SNRPN: variants seen among roughly 807,000 people sequenced by gnomAD.
SNRPN encodes small nuclear ribonucleoprotein polypeptide N.
SNRPN carries 7 observed loss-of-function variants against 25.2 expected under a neutral mutation model. The ratio of observed to expected loss-of-function variants is 0.28; its 90% CI spans 0.16 to 0.52. SNRPN has a LOEUF of 0.52. Among genes scored for constraint, SNRPN ranks in the 20% least tolerant of loss-of-function variants. The pLI is 0.96. For synonymous variants in SNRPN, 124 were observed against 110.6 expected, an observed-to-expected ratio of 1.12 and a Z score of -0.76; for missense variants, 196 against 322.5, an observed-to-expected ratio of 0.61 and a Z score of 3.00.
At chr15:24,904,497 A>C (rs928948271) in intron 2 of SNRPN, among the ~76,000 whole-genome samples, 5 of 152,100 alleles carry the variant, frequency 3.3e-5, no homozygotes, top group African/African-American at 1.2e-4. Context: ...TCTACTAAAA[A>C]TACAAAAATT....
At chr15:24,833,366 A>G (rs1464685164) in intron 2 of SNRPN, among the ~76,000 whole-genome samples, 1 of 151,968 alleles carries the variant, frequency 6.6e-6, no homozygotes, top group East Asian at 1.9e-4. Context: ...AAAATTTTTC[A>G]ATTCTGTGTT....
upstream of SNRPN, among the ~76,000 whole-genome samples, chr15:24,952,649 G>A (rs1326051060): frequency 6.6e-6 from 1 of 152,188 alleles, no homozygotes; most frequent in African/African-American, 2.4e-5. Flanking sequence ...GGCAGTCAGA[G>A]TTTGAAAAGA....
At chr15:24,854,875 C>T (rs1241680132), upstream of SNRPN, among the ~76,000 whole-genome samples, 1 of 152,000 alleles carries the variant, frequency 6.6e-6, no homozygotes, top group African/African-American at 2.4e-5. Flanking sequence ...TGATGGGCAC[C>T]TGCAGTCCCA....
chr15:24,949,610 C>G (rs1566942825), intron 3 of SNRPN, among the ~76,000 whole-genome samples: 1 of 152,074 alleles, frequency 6.6e-6, no homozygotes, highest in African/African-American at 2.4e-5. Flanking sequence ...ATGATTGTGC[C>G]AATGCACTCC....
chr15:24,931,711 G>A (rs2060870029), intron 3 of SNRPN, among the ~76,000 whole-genome samples: 2 of 151,736 alleles, frequency 1.3e-5, no homozygotes, highest in Non-Finnish European at 2.9e-5. Flanking sequence ...GGTGGCACAT[G>A]GCTGTAGTCC....
chr15:24,954,978 G>T (rs368916889), upstream of SNRPN: 5 of 1,604,642 alleles, frequency 3.1e-6, no homozygotes, highest in African/African-American at 5.3e-5. Context: ...CTGCTGCAGC[G>T]AGTCTGGCGC....
intron 3 of SNRPN, among the ~76,000 whole-genome samples, chr15:24,939,519 G>A (rs540817565): frequency 1.3e-4 from 20 of 151,892 alleles, no homozygotes; most frequent in African/African-American, 4.3e-4. Context: ...TGCAACCTCC[G>A]TCTCCTGGGA....
In SNRPN at chr15:24,927,690, C is replaced by T. The variant is rs373309974; in HGVS notation, c.-391+7566C>T. ...CATAACCCAGTTTCTTCATTTGCCC[C>T]AATAATGTTTTTTATAGCTTTTTCA... is the stretch of plus-strand genomic sequence containing the variant. On this transcript the variant is annotated intron_variant, in intron 3 of 11. Coordinates refer to the SNRPN transcript ENST00000400097. Among the ~76,000 whole-genome samples the T allele has an allele frequency of 2.0e-5, 3 of 151,760 alleles. No homozygotes were observed. In the East Asian group the frequency reaches 5.8e-4, roughly 29 times the overall value.
In SNRPN at chr15:24,845,598, C is replaced by CA. The variant is rs1233174256; in HGVS notation, c.-579+15702dup. 7.4e-5 allele frequency among the ~76,000 whole-genome samples: 11 copies of CA among 149,118 alleles called. No individual in the cohort carries two copies. In the East Asian group the frequency reaches 9.8e-4, roughly 13 times the overall value. On this transcript the variant is annotated intron_variant, in intron 2 of 12. Transcript: ENST00000400100. ...GGGCGACAAGAGCAAAACTCCGTCTCAAAAAAAAAGAAAAGAAAAGAAAAC... is the reference window on the plus strand; with the variant it reads ...GGGCGACAAGAGCAAAACTCCGTCTCAAAAAAAAAAGAAAAGAAAAGAAAAC...
intron 1 of SNRPN, among the ~76,000 whole-genome samples, chr15:24,867,408 T>C (rs991935738): frequency 2.6e-5 from 4 of 151,588 alleles, no homozygotes; most frequent in Admixed American, 6.6e-5. Context: ...GGAGTCTCAC[T>C]CTGTCGCCCA....
At chr15:24,955,634 G>A (rs1416792836) in intron 1 of SNRPN, among the ~76,000 whole-genome samples, 1 of 148,004 alleles carries the variant, frequency 6.8e-6, no homozygotes. Context: ...TGACCGAGGC[G>A]AGGAGGCTAT....
intron 2 of SNRPN, among the ~76,000 whole-genome samples, chr15:24,904,542 C>A (rs1300185667): frequency 2.0e-5 from 3 of 152,020 alleles, no homozygotes; most frequent in Non-Finnish European, 4.4e-5. Context: ...GTAATCCCAG[C>A]TACTCAGGAG....
intron 1 of SNRPN, among the ~76,000 whole-genome samples, chr15:24,862,060 T>G (rs1017002722): frequency 6.6e-6 from 1 of 150,924 alleles, no homozygotes; most frequent in African/African-American, 2.5e-5. Context: ...CAGGCGATCC[T>G]GTAAGAAATG....
chr15:24,974,184 G>A (rs1024096994), intron 3 of SNRPN, 127 bp from the exon 4 acceptor site: 4 of 482,354 alleles, frequency 8.3e-6, no homozygotes, highest in Non-Finnish European at 1.5e-5. Context: ...GTCCCTTGGT[G>A]AGGAAGCTAG....
intron 3 of SNRPN, among the ~76,000 whole-genome samples, chr15:24,924,089 T>G (rs567068469): frequency 6.6e-6 from 1 of 151,566 alleles, no homozygotes; most frequent in African/African-American, 2.4e-5. Flanking sequence ...AGGGAAGACC[T>G]TTCCTCTACT....
chr15:24,864,856 C>T (rs770694580), intron 1 of SNRPN, among the ~76,000 whole-genome samples: 1 of 151,754 alleles, frequency 6.6e-6, no homozygotes, highest in African/African-American at 2.4e-5. Flanking sequence ...AGTTATGTGC[C>T]TTTTATTGAT....
intron 2 of SNRPN, among the ~76,000 whole-genome samples, chr15:24,964,708 A>G (rs2075364705): frequency 6.6e-6 from 1 of 151,520 alleles, no homozygotes; most frequent in Non-Finnish European, 1.5e-5. Flanking sequence ...GAGGTTTAGG[A>G]CTCTTAGGTT....
rs1196394578 is a variant in SNRPN at position 24,871,996 on chromosome 15, C to T, written c.-578-14520C>T. On this transcript the variant is annotated intron_variant, in intron 1 of 11. Coordinates refer to the SNRPN transcript ENST00000400097. The stretch of plus-strand genomic sequence containing the variant: ...CTAGGATTACAGGCGTAAGCCACCA[C>T]GCCCGGCCTTTTGTCCTCTTTTTAG... 9.9e-5 allele frequency among the ~76,000 whole-genome samples: 12 copies of T among 120,712 alleles called. 5 individuals carry two copies. Among genetic ancestry groups the T allele is most frequent in the East Asian group, 2.9e-4 (1 of 3,452 alleles). 79.2% of individuals were successfully genotyped at this position (120,712 alleles called of 152,430 possible).
At position 24,827,296 on chromosome 15, in the gene SNRPN, C is replaced by T. The variant is rs576533778; in HGVS notation, c.-686-2502C>T. On this transcript the variant is annotated intron_variant, in intron 1 of 12. Transcript: ENST00000400100. ...TTGGGAGGCCGAGGCAGGCGGATCA[C>T]GAGGTCAGGAGATTGAGACCATCCT... Among the ~76,000 whole-genome samples the T allele has an allele frequency of 3.1e-4, 47 of 151,602 alleles. No individual in the cohort carries two copies. The South Asian group carries it at 7.3e-3, about 23-fold the overall frequency.
Sources: allele counts gnomAD v4.1 joint callset (sites outside exome capture counted in the v4.1 genomes callset), GRCh38; gene constraint gnomAD v4.1.1; transcripts MANE v1.5; gene names NCBI Gene and HGNC (gene_info 2026-07-23, HGNC 2026-07-21).